The following CASD1 variants were observed in gnomAD, a reference collection of about 807,000 sequenced individuals.
The protein encoded by CASD1 is CAS1 domain sialic acid O acetyltransferase 1.
In CASD1, 41 loss-of-function variants were observed where a neutral mutation model predicts 100.0. That is an observed-to-expected ratio of 0.41 (90% CI 0.32 to 0.53). The LOEUF (loss-of-function observed/expected upper bound fraction) is 0.53, where lower values mean the gene tolerates loss of function less well. Ranked by LOEUF, CASD1 falls within the 20% of genes least tolerant of loss-of-function variation. The pLI, the probability that CASD1 is intolerant of heterozygous loss-of-function variation, is 0.25. For synonymous variants in CASD1, 321 were observed against 315.6 expected (o/e 1.02, Z -0.18); for missense variants, 774 against 948.7 (o/e 0.82, Z 2.42).
At chr7:94,561,021 A>G (rs951511451), downstream of CASD1, among the ~76,000 whole-genome samples, 4 of 152,258 alleles carry the variant, frequency 2.6e-5, no homozygotes, top group South Asian at 4.1e-4. Flanking sequence ...TTAATATTTG[A>G]TGAGAATTTA....
intron 5 of CASD1, among the ~76,000 whole-genome samples, chr7:94,530,560 C>A (rs1584398759): frequency 6.6e-6 from 1 of 151,994 alleles, no homozygotes; most frequent in East Asian, 1.9e-4. Flanking sequence ...TAGTGGAGAA[C>A]CATTGAAAGT....
chr7:94,576,337 T>C, the CASD1 span, among the ~76,000 whole-genome samples: 3 of 152,312 alleles, frequency 2.0e-5, no homozygotes, highest in Middle Eastern at 3.4e-3. Flanking sequence ...TCTTCAGGCC[T>C]GGCCATTGGC....
At chr7:94,598,956 G>A in the CASD1 span, 227 of 1,612,986 alleles carry the variant, frequency 1.4e-4, 1 homozygote, top group Admixed American at 3.5e-3. Flanking sequence ...TGATGGACCA[G>A]TTGGATGCTA....
rs1456090317 is a variant in CASD1 at position 94,511,179 on chromosome 7, C to G, written c.133+962C>G. 3.3e-5 allele frequency among the ~76,000 whole-genome samples: 5 copies of G among 152,132 alleles called. No individual in the cohort carries two copies. The East Asian group carries it at 7.7e-4, about 23-fold the overall frequency. ...ATGATAGGATCTTTTATTTTTGGCT[C>G]TTAATACTATCAAAGCCATTATCTG... On this transcript the variant is annotated intron_variant, in intron 1 of 17. Transcript: ENST00000297273.
chr7:94,552,077 G>A, intron 15 of CASD1: 1 of 336,030 alleles, frequency 3.0e-6, no homozygotes, highest in Non-Finnish European at 5.3e-6. Flanking sequence ...GTAATGTAAG[G>A]TGTTTCATAT....
At chr7:94,536,684 C>G (rs892682872) in intron 8 of CASD1, among the ~76,000 whole-genome samples, 3 of 143,218 alleles carry the variant, frequency 2.1e-5, no homozygotes, top group Admixed American at 7.0e-5. Flanking sequence ...GAGATTTTCT[C>G]AAATCTTGAT....
Position 94,535,498 on chromosome 7 carries a change from A to C in CASD1, c.818A>C (p.His273Pro). 6.2e-7 allele frequency: 1 copy of C among 1,613,540 alleles called. No homozygotes were observed. Among genetic ancestry groups the C allele is most frequent in the Non-Finnish European group, 8.5e-7 (1 of 1,179,644 alleles). Residue 273 changes from histidine (H) to proline (P), a missense_variant, in exon 8 of 18, where the codon CAT becomes CCT. By Grantham distance (77) the His-to-Pro change is moderately conservative. Coordinates refer to ENST00000297273, the MANE Select transcript of CASD1 (RefSeq NM_022900.5). Reference sequence around the variant, plus strand: ...ATCATGGAATCTTTGGATGGCTTACATCTTCCTGAATCGAGCAGAGAAACT... The same window carrying C: ...ATCATGGAATCTTTGGATGGCTTACCTCTTCCTGAATCGAGCAGAGAAACT... ...ETIMESLDGL[H>P]LPESSRETTA...
At chr7:94,528,076 A>G in intron 4 of CASD1, 112 bp from the exon 5 acceptor site, 1 of 725,506 alleles carries the variant, frequency 1.4e-6, no homozygotes, top group East Asian at 2.6e-5. Flanking sequence ...TGTCTTGGAC[A>G]AGGTAGTGTT....
At chr7:94,566,077 C>T in the CASD1 span, among the ~76,000 whole-genome samples, 2 of 152,118 alleles carry the variant, frequency 1.3e-5, no homozygotes, top group African/African-American at 4.8e-5. Context: ...CAGGGAGAGC[C>T]AGGACTTCCT....
At chr7:94,577,503 C>T in the CASD1 span, among the ~76,000 whole-genome samples, 7 of 152,164 alleles carry the variant, frequency 4.6e-5, no homozygotes, top group African/African-American at 7.2e-5. Context: ...CAGTTGATAG[C>T]TCTGTGTTAG....
chr7:94,572,711 G>A, the CASD1 span, among the ~76,000 whole-genome samples: 3 of 152,082 alleles, frequency 2.0e-5, no homozygotes, highest in Non-Finnish European at 4.4e-5. Context: ...TTCTTTTGCT[G>A]TGCAGAAGCT....
the CASD1 span, among the ~76,000 whole-genome samples, chr7:94,566,404 TAA>T: frequency 1.3e-5 from 2 of 151,260 alleles, no homozygotes; most frequent in East Asian, 1.9e-4. Context: ...ATAATACTTA[TAA>T]AAAAGAAATA....
chr7:94,553,627 T>A (rs750211218), intron 16 of CASD1, among the ~76,000 whole-genome samples: 2 of 152,078 alleles, frequency 1.3e-5, no homozygotes, highest in African/African-American at 4.8e-5. Context: ...TGGAGATAAC[T>A]TTTTTTCTTT....
At chr7:94,517,971 C>T (rs1165813632) in intron 2 of CASD1, among the ~76,000 whole-genome samples, 1 of 152,146 alleles carries the variant, frequency 6.6e-6, no homozygotes. Flanking sequence ...ATATAAAGCA[C>T]CTAATACAGT....
chr7:94,544,306 C>G, intron 10 of CASD1, 105 bp from the exon 11 acceptor site: 1 of 1,360,994 alleles, frequency 7.3e-7, no homozygotes, highest in Non-Finnish European at 1.0e-6. Flanking sequence ...GAGCTGATGC[C>G]AAATGCTAAT....
At chr7:94,574,643 A>C in the CASD1 span, among the ~76,000 whole-genome samples, 1 of 150,632 alleles carries the variant, frequency 6.6e-6, no homozygotes, top group Non-Finnish European at 1.5e-5. Context: ...TCCAGCTAGC[A>C]GCCATCTATC....
chr7:94,557,554 C>G (rs928056307), downstream of CASD1, among the ~76,000 whole-genome samples: 14 of 152,052 alleles, frequency 9.2e-5, no homozygotes, highest in Non-Finnish European at 1.6e-4. Context: ...GAAAAAGATT[C>G]TTCTTGATGA....
At chr7:94,542,025 T>C (rs369441936) in intron 10 of CASD1, among the ~76,000 whole-genome samples, 1 of 152,206 alleles carries the variant, frequency 6.6e-6, no homozygotes, top group East Asian at 1.9e-4. Context: ...TAGGCCAACA[T>C]TGGCAGGAAC....
chr7:94,549,730 A>G, intron 14 of CASD1, 96 bp downstream of exon 14: 2 of 880,266 alleles, frequency 2.3e-6, no homozygotes, highest in Non-Finnish European at 3.5e-6. Context: ...TTCAGAATAA[A>G]TAAAGATGTT....
Sources: allele counts gnomAD v4.1 joint callset (sites outside exome capture counted in the v4.1 genomes callset), GRCh38; gene constraint gnomAD v4.1.1; transcripts MANE v1.5; gene names NCBI Gene and HGNC (gene_info 2026-07-23, HGNC 2026-07-21).